ANKHD1: variants seen among roughly 807,000 people sequenced by gnomAD.
The protein encoded by ANKHD1 is ankyrin repeat and KH domain containing 1.
In ANKHD1, 31 loss-of-function variants were observed where a neutral mutation model predicts 230.5. The ratio of observed to expected loss-of-function variants is 0.13; its 90% CI spans 0.10 to 0.18. The LOEUF is 0.18. Ranked by LOEUF, ANKHD1 falls within the 10% of genes least tolerant of loss-of-function variation. The probability of loss-of-function intolerance (pLI) is 1.00; values close to 1 mark genes in which losing one functional copy is unlikely to be tolerated. For missense variants in ANKHD1, 2,256 were observed against 3,071.3 expected, an observed-to-expected ratio of 0.73 and a Z score of 6.27; for synonymous variants, 1,074 against 1,117.6, an observed-to-expected ratio of 0.96 and a Z score of 0.78.
At position 140,537,952 on chromosome 5, in the gene ANKHD1, T is replaced by G; in HGVS notation, c.7229-134T>G. 3.7e-6 allele frequency: 5 copies of G among 1,367,968 alleles called. No individual in the cohort carries two copies. The South Asian group carries it at 8.3e-5, about 23-fold the overall frequency. The allele number at this position is 1,367,968 out of a possible 1,614,324, so 84.7% of individuals were successfully genotyped here. A position where few individuals can be genotyped will look rare whatever the true frequency, so the allele number is the denominator to read the frequency against. On this transcript the variant is annotated intron_variant, in intron 31 of 33. Coordinates refer to ENST00000360839, the MANE Select transcript of ANKHD1 (RefSeq NM_017747.3). The stretch of plus-strand genomic sequence containing the variant: ...ACTGGTTTTTTTTGGCTAGCAAGAC[T>G]GTGATAAATACGCTTTGAGCTCTTC...
chr5:140,509,888 T>G lies in ANKHD1; in HGVS notation c.3941+76T>G. ...TCAGAGCTTTTAAAGTTAATAACATTGTTTTACTTTATTGATATTGTTAAG... is the reference window on the plus strand; with the variant it reads ...TCAGAGCTTTTAAAGTTAATAACATGGTTTTACTTTATTGATATTGTTAAG... On this transcript the variant is annotated intron_variant, in intron 21 of 33. Coordinates refer to ENST00000360839, the MANE Select transcript of ANKHD1 (RefSeq NM_017747.3). The G allele has an allele frequency of 2.6e-6, 4 of 1,551,598 alleles. No homozygotes were observed. The South Asian group carries it at 3.7e-5, about 14-fold the overall frequency.
intron 10 of ANKHD1, among the ~76,000 whole-genome samples, chr5:140,466,538 A>T (rs1431255747): frequency 6.6e-6 from 1 of 152,218 alleles, no homozygotes; most frequent in Non-Finnish European, 1.5e-5. Flanking sequence ...GTCTTCTGGA[A>T]TTAGTTAAAA....
chr5:140,418,449 A>G (rs762339452), intron 1 of ANKHD1, among the ~76,000 whole-genome samples: 1 of 152,070 alleles, frequency 6.6e-6, no homozygotes, highest in Admixed American at 6.6e-5. Flanking sequence ...CGCCTGGCCC[A>G]TTGGTTTTTA....
intron 15 of ANKHD1, among the ~76,000 whole-genome samples, chr5:140,498,742 G>T (rs1433611246): frequency 6.6e-6 from 1 of 152,048 alleles, no homozygotes; most frequent in African/African-American, 2.4e-5. Context: ...GATGAACTGG[G>T]AATAACATTT....
chr5:140,411,869 C>T lies in ANKHD1; in HGVS notation c.306+9596C>T, dbSNP rs142974656. Among the ~76,000 whole-genome samples the T allele has an allele frequency of 5.9e-3, 891 of 150,118 alleles. 13 individuals carry two copies. The highest frequency in any genetic ancestry group is 0.021 in the African/African-American group (843 of 40,710). On this transcript the variant is annotated intron_variant, in intron 1 of 33. Coordinates refer to ENST00000360839, the MANE Select transcript of ANKHD1 (RefSeq NM_017747.3). ...TTTGAGACAGGGTCCCGTTATGTCA[C>T]CCAAGCTGGAGTGCGGTGGTGCAGG...
intron 21 of ANKHD1, 44 bp from the exon 22 acceptor site, chr5:140,509,975 C>G: frequency 6.4e-7 from 1 of 1,557,890 alleles, no homozygotes; most frequent in Non-Finnish European, 8.7e-7. Context: ...AAAAAGCCAG[C>G]CTCTTCTTAC....
intron 5 of ANKHD1, among the ~76,000 whole-genome samples, chr5:140,443,199 G>A (rs1005965516): frequency 2.0e-5 from 3 of 151,804 alleles, no homozygotes; most frequent in Admixed American, 1.3e-4. Context: ...CATCGCTCCA[G>A]GCCTATTTTA....
At position 140,472,230 on chromosome 5, in the gene ANKHD1, C is replaced by T. The variant is rs781671715; in HGVS notation, c.1782+7454C>T. On this transcript the variant is annotated intron_variant, in intron 10 of 33. Coordinates refer to ENST00000360839, the MANE Select transcript of ANKHD1 (RefSeq NM_017747.3). ...TAAGATCCGTGAGTTCTTCTTTTTC[C>T]TTTCGCAGGACAAGCAGGAGGACAT... 1.9e-6 allele frequency: 3 copies of T among 1,610,182 alleles called. No homozygotes were observed. In the African/African-American group the frequency reaches 4.0e-5, roughly 22 times the overall value.
At chr5:140,451,463 A>C (rs754853153) in intron 7 of ANKHD1, among the ~76,000 whole-genome samples, 22 of 152,180 alleles carry the variant, frequency 1.4e-4, no homozygotes, top group Non-Finnish European at 2.6e-4. Context: ...AGTTAAGTAT[A>C]ATAAAAGTCT....
chr5:140,440,647 G>T (rs1291682337), intron 4 of ANKHD1, among the ~76,000 whole-genome samples: 1 of 152,126 alleles, frequency 6.6e-6, no homozygotes, highest in Non-Finnish European at 1.5e-5. Flanking sequence ...GAACAGTACT[G>T]GGAATTAACC....
chr5:140,440,910 A>G, intron 4 of ANKHD1, 85 bp from the exon 5 acceptor site: 1 of 1,354,260 alleles, frequency 7.4e-7, no homozygotes, highest in Non-Finnish European at 9.5e-7. Context: ...CTAGAAGAAT[A>G]TCTTCAGAGA....
At position 140,402,283 on chromosome 5, in the gene ANKHD1, C is replaced by T. The variant is rs1198023433; in HGVS notation, c.306+10C>T. On this transcript the variant is annotated intron_variant, in intron 1 of 33. Coordinates refer to ENST00000360839, the MANE Select transcript of ANKHD1 (RefSeq NM_017747.3). ...GGACGAAGTGTCCGAGGTAAGGCTC[C>T]GGGACCCTCGCCTCCCACACATTGT... 6.8e-6 allele frequency: 10 copies of T among 1,465,246 alleles called. No homozygotes were observed. The highest frequency in any genetic ancestry group is 2.0e-4 in the Middle Eastern group (1 of 4,990). 90.8% of individuals were successfully genotyped at this position (1,465,246 alleles called of 1,614,324 possible).
intron 7 of ANKHD1, among the ~76,000 whole-genome samples, chr5:140,457,599 C>G (rs879599658): frequency 7.9e-5 from 12 of 152,150 alleles, no homozygotes; most frequent in Admixed American, 2.6e-4. Context: ...CAAACTATCA[C>G]AAGAACAAAA....
intron 11 of ANKHD1, 71 bp downstream of exon 11, chr5:140,482,738 A>G: frequency 1.3e-6 from 2 of 1,525,640 alleles, no homozygotes; most frequent in Non-Finnish European, 8.9e-7. Context: ...AACTGTTGCA[A>G]TTTATGTTAT....
intron 1 of ANKHD1, among the ~76,000 whole-genome samples, chr5:140,422,133 AT>A (rs1362029717): frequency 1.3e-5 from 2 of 152,026 alleles, no homozygotes; most frequent in East Asian, 3.9e-4. Flanking sequence ...GAGTGGATTG[AT>A]TGATTGAGAC....
chr5:140,491,154 A>T (rs1257619308), intron 14 of ANKHD1, among the ~76,000 whole-genome samples: 10 of 98,158 alleles, frequency 1.0e-4, no homozygotes, highest in African/African-American at 4.1e-4. Context: ...ATATATATAT[A>T]TATATATTTT....
chr5:140,482,258 C>T (rs1420418733), intron 10 of ANKHD1, among the ~76,000 whole-genome samples: 41 of 152,002 alleles, frequency 2.7e-4, no homozygotes, highest in Non-Finnish European at 1.5e-5. Flanking sequence ...TTTCACAATC[C>T]AGATAAATAG....
intron 14 of ANKHD1, among the ~76,000 whole-genome samples, chr5:140,492,302 T>C (rs1751843728): frequency 1.3e-5 from 2 of 152,184 alleles, no homozygotes; most frequent in African/African-American, 2.4e-5. Flanking sequence ...AAGAAGAAGA[T>C]TGAATTAATC....
chr5:140,437,779 C>T (rs182334682), intron 2 of ANKHD1, among the ~76,000 whole-genome samples: 3 of 152,112 alleles, frequency 2.0e-5, no homozygotes, highest in Non-Finnish European at 4.4e-5. Context: ...GTATTTATTT[C>T]TTTATTCACT....
Sources: gnomAD v4.1 joint callset for allele counts (sites outside exome capture counted in the v4.1 genomes callset) on GRCh38, gnomAD v4.1.1 for gene constraint, MANE v1.5 for transcripts, NCBI Gene and HGNC (gene_info 2026-07-23, HGNC 2026-07-21) for gene names.